Variants in DNAJC13 observed in about 807,000 individuals in gnomAD.
The protein encoded by DNAJC13 is DnaJ heat shock protein family (Hsp40) member C13.
In DNAJC13, 75 loss-of-function variants were observed where a neutral mutation model predicts 290.5. The ratio of observed to expected loss-of-function variants is 0.26; its 90% confidence interval spans 0.21 to 0.31. DNAJC13 has a LOEUF of 0.31. Among genes scored for constraint, DNAJC13 ranks in the 10% least tolerant of loss-of-function variants. DNAJC13 has a pLI of 1.00. For missense variants in DNAJC13, 2,260 were observed against 2,674.5 expected (o/e 0.85, Z 3.42); for synonymous variants, 862 against 892.0 (o/e 0.97, Z 0.60).
Position 132,447,161 on chromosome 3 carries a change from A to G in DNAJC13, c.145-160A>G, listed in dbSNP as rs11920676. ...TGGATTTTTCTGACTAAAAACCTTT[A>G]AAAGAATTTTTTACAGAATTACTGT... On this transcript the variant is annotated intron_variant, in intron 3 of 55. Coordinates refer to ENST00000260818, the MANE Select transcript of DNAJC13 (RefSeq NM_015268.4). Among the ~76,000 whole-genome samples the G allele has an allele frequency of 0.1, 15,765 of 152,162 alleles. 1,020 individuals are homozygous for G. The highest frequency in any genetic ancestry group is 0.17 in the South Asian group (798 of 4,828).
At chr3:132,486,465 C>A (rs994789989) in intron 29 of DNAJC13, among the ~76,000 whole-genome samples, 3 of 152,000 alleles carry the variant, frequency 2.0e-5, no homozygotes, top group Non-Finnish European at 4.4e-5. Context: ...ATGTGCTCAG[C>A]ATAACATGAA....
At chr3:132,421,352 C>T (rs761141481) in intron 1 of DNAJC13, among the ~76,000 whole-genome samples, 2 of 152,172 alleles carry the variant, frequency 1.3e-5, no homozygotes. Context: ...AGCATTATAG[C>T]AGAATTGACT....
chr3:132,460,360 A>G lies in DNAJC13; in HGVS notation c.1557+3A>G. 6.3e-7 allele frequency: 1 copy of G among 1,583,444 alleles called. No homozygotes were observed. The highest frequency in any genetic ancestry group is 8.7e-7 in the Non-Finnish European group (1 of 1,153,298). On this transcript the variant is annotated splice_donor_region_variant and intron_variant, in intron 14 of 55. Coordinates refer to ENST00000260818, the MANE Select transcript of DNAJC13 (RefSeq NM_015268.4). Reference sequence around the variant, plus strand: ...TGGAGAAATTTAATTCCCATGTGGTAAGTTATAATTAAATTTGTCTTCATG... The same window carrying G: ...TGGAGAAATTTAATTCCCATGTGGTGAGTTATAATTAAATTTGTCTTCATG...
At chr3:132,460,229 T>G (rs777874360) in intron 13 of DNAJC13, 21 bp from the exon 14 acceptor site, 9 of 631,452 alleles carry the variant, frequency 1.4e-5, no homozygotes, top group Non-Finnish European at 1.9e-5. Flanking sequence ...ATTATCACTG[T>G]TTTTTTTTTT....
intron 54 of DNAJC13, among the ~76,000 whole-genome samples, chr3:132,529,685 G>T (rs1936358364): frequency 6.6e-6 from 1 of 151,830 alleles, no homozygotes; most frequent in Admixed American, 6.6e-5. Flanking sequence ...TACTCGGGAG[G>T]CTGAGGCAGG....
In DNAJC13 at chr3:132,473,186, A is replaced by G. The variant is rs1934348105; in HGVS notation, c.2250A>G (p.Gln750=). ...QKPVVLRKRR[Q]RIKIEANWDL... ...CAGTGGTTCTTCGAAAGAGAAGACA[A>G]AGAATAAAAATAGAAGCAAATTGGG... The change falls in exon 21 of 56, where the codon CAA becomes CAG. Residue 750 remains glutamine (Q), a synonymous_variant. Transcript: ENST00000260818. 1.2e-6 allele frequency: 2 copies of G among 1,611,142 alleles called. No homozygotes were observed. Among genetic ancestry groups the G allele is most frequent in the African/African-American group, 1.3e-5 (1 of 74,782 alleles).
chr3:132,454,826 G>C (rs537627796), intron 9 of DNAJC13, among the ~76,000 whole-genome samples: 1 of 152,168 alleles, frequency 6.6e-6, no homozygotes, highest in South Asian at 2.1e-4. Context: ...TCTAATCAGA[G>C]GAAGGATCTT....
At chr3:132,476,137 T>C (rs1934465303) in intron 22 of DNAJC13, among the ~76,000 whole-genome samples, 1 of 152,172 alleles carries the variant, frequency 6.6e-6, no homozygotes, top group Non-Finnish European at 1.5e-5. Flanking sequence ...TTTCACCATG[T>C]TGCCCAGTCT....
At position 132,516,233 on chromosome 3, in the gene DNAJC13, C is replaced by T. The variant is rs3762677; in HGVS notation, c.5486-189C>T. ...ACTTATTAGCTGTGAGACCTTGGGC[C>T]GGTTAAACTGGGCATCAGCTTCCTC... On this transcript the variant is annotated intron_variant, in intron 46 of 55. Transcript: ENST00000260818. Among the ~76,000 whole-genome samples, 17,665 of 152,140 alleles carry T rather than the reference C, an allele frequency of 0.12. 1,567 individuals are homozygous for T. The highest frequency in any genetic ancestry group is 0.53 in the East Asian group (2,755 of 5,170).
chr3:132,478,079 G>C lies in DNAJC13; in HGVS notation c.2648G>C (p.Arg883Thr), dbSNP rs1483952120. The stretch of plus-strand genomic sequence containing the variant: ...CAAGCCCTTGCTATTGTTTATGGCA[G>C]ATGTCACGAAGAAATAGGACCTTTT... ...CLQALAIVYGRCHEEIGPFTD... is the reference protein window; with the variant it reads ...CLQALAIVYGTCHEEIGPFTD... The change falls in exon 24 of 56, where the codon AGA becomes ACA. Residue 883 changes from arginine to threonine, a missense_variant. This residue lies in a region of DNAJC13 where 1,494 missense variants were observed against 1,693.7 expected (regional missense o/e 0.88). Transcript: ENST00000260818. The C allele has an allele frequency of 6.2e-7, 1 of 1,613,506 alleles. No individual in the cohort carries two copies. Among genetic ancestry groups the C allele is most frequent in the Admixed American group, 1.7e-5 (1 of 59,974 alleles).
At position 132,488,363 on chromosome 3, in the gene DNAJC13, A is replaced by C; in HGVS notation, c.3333A>C (p.Gln1111His). The C allele has an allele frequency of 2.5e-6, 4 of 1,613,734 alleles. No homozygotes were observed. The highest frequency in any genetic ancestry group is 3.4e-6 in the Non-Finnish European group (4 of 1,179,806). Residue 1111 changes from glutamine to histidine, a missense_variant, in exon 30 of 56, where the codon CAA becomes CAC. Physicochemically the swap from Gln to His is conservative, Grantham distance 24 (BLOSUM62 0). This residue lies in a region of DNAJC13 where 1,494 missense variants were observed against 1,693.7 expected (regional missense o/e 0.88). Coordinates refer to ENST00000260818, the MANE Select transcript of DNAJC13 (RefSeq NM_015268.4). ...CTATTTTGTTATACCATATCATGCAAGATAACCCACAGTTACCCCGCCTTT... is the reference window on the plus strand; with the variant it reads ...CTATTTTGTTATACCATATCATGCACGATAACCCACAGTTACCCCGCCTTT... The part of the protein sequence containing the change: ...KVAILLYHIM[Q>H]DNPQLPRLYL...
At chr3:132,514,218 G>T (rs1459439792) in intron 45 of DNAJC13, among the ~76,000 whole-genome samples, 1 of 152,084 alleles carries the variant, frequency 6.6e-6, no homozygotes, top group Non-Finnish European at 1.5e-5. Flanking sequence ...AATCTATTGT[G>T]CAGGGTACTG....
intron 13 of DNAJC13, among the ~76,000 whole-genome samples, chr3:132,459,917 C>T (rs1473499818): frequency 6.6e-6 from 1 of 152,134 alleles, no homozygotes; most frequent in Admixed American, 6.5e-5. Context: ...AATTTTAGTA[C>T]ATTTAAATGC....
intron 1 of DNAJC13, among the ~76,000 whole-genome samples, chr3:132,432,180 T>C (rs1201841911): frequency 2.0e-5 from 3 of 152,054 alleles, no homozygotes; most frequent in African/African-American, 7.2e-5. Context: ...TTCTACAAAT[T>C]TTTTTGTTTT....
At chr3:132,446,612 C>A in intron 3 of DNAJC13, 62 bp downstream of exon 3, 1 of 1,144,394 alleles carries the variant, frequency 8.7e-7, no homozygotes, top group South Asian at 1.4e-5. Flanking sequence ...AAAAGCCAGG[C>A]TGTGACCATT....
chr3:132,425,550 C>A (rs574070074), intron 1 of DNAJC13, among the ~76,000 whole-genome samples: 20 of 152,128 alleles, frequency 1.3e-4, no homozygotes, highest in Non-Finnish European at 2.4e-4. Context: ...AAAACAAATT[C>A]ACATTTTTAG....
At chr3:132,536,293 G>T (rs898034398) in intron 55 of DNAJC13, among the ~76,000 whole-genome samples, 1 of 152,146 alleles carries the variant, frequency 6.6e-6, no homozygotes, top group African/African-American at 2.4e-5. Context: ...CAGTAGGCTG[G>T]GGTGGGAAGA....
chr3:132,486,929 A>G (rs1299252407), intron 29 of DNAJC13, among the ~76,000 whole-genome samples: 1 of 152,136 alleles, frequency 6.6e-6, no homozygotes, highest in Non-Finnish European at 1.5e-5. Context: ...TTTCTAGTAT[A>G]GTGACAAATT....
intron 41 of DNAJC13, among the ~76,000 whole-genome samples, chr3:132,504,585 C>G (rs1048016429): frequency 6.6e-6 from 1 of 152,106 alleles, no homozygotes; most frequent in Non-Finnish European, 1.5e-5. Flanking sequence ...TAGAAGTTAG[C>G]CTTTTGAAAA....
Sources: gnomAD v4.1 joint callset for allele counts (sites outside exome capture counted in the v4.1 genomes callset) on GRCh38, gnomAD v4.1.1 for gene constraint, gnomAD v4.1.1 regional missense constraint, MANE v1.5 for transcripts, NCBI Gene and HGNC (gene_info 2026-07-23, HGNC 2026-07-21) for gene names.